The following SLC16A6 variants were observed in gnomAD, a reference collection of about 807,000 sequenced individuals.
SLC16A6 encodes solute carrier family 16 member 6.
Under a neutral mutation model 33.8 loss-of-function variants are expected in SLC16A6, and 15 were observed. The ratio of observed to expected loss-of-function variants is 0.44; its 90% CI spans 0.30 to 0.68. The LOEUF is 0.68. SLC16A6 is among the 30% of genes least tolerant of loss of function. SLC16A6 has a pLI of 0.10. For synonymous variants in SLC16A6, 219 were observed against 248.4 expected (o/e 0.88, Z 1.11); for missense variants, 451 against 661.5 (o/e 0.68, Z 3.49).
intron 1 of SLC16A6, among the ~76,000 whole-genome samples, chr17:68,278,603 G>A (rs1372688911): frequency 7.2e-6 from 1 of 139,594 alleles, no homozygotes; most frequent in Non-Finnish European, 1.5e-5. Flanking sequence ...GCCAGCTAAT[G>A]TTTTTTCTTT....
At position 68,269,144 on chromosome 17, in the gene SLC16A6, A is replaced by G. The variant is rs1349758271; in HGVS notation, c.1524T>C (p.Asp508=). Reference sequence around the variant, plus strand: ...GAACTCTGTGCTCATTTTTTGCAAGATCCATTTCCAGAAAGTCTTCAGGTA... The same window carrying G: ...GAACTCTGTGCTCATTTTTTGCAAGGTCCATTTCCAGAAAGTCTTCAGGTA... ...QDIPEDFLEM[D]LAKNEHRVHV... Residue 508 remains aspartate, a synonymous_variant, in exon 6 of 6, where the codon GAT becomes GAC. Coordinates refer to ENST00000580666, the MANE Select transcript of SLC16A6 (RefSeq NM_004694.5). The G allele has an allele frequency of 6.6e-7, 1 of 1,520,006 alleles. No individual in the cohort carries two copies. The highest frequency in any genetic ancestry group is 1.4e-5 in the African/African-American group (1 of 69,744). 94.2% of individuals were successfully genotyped at this position (1,520,006 alleles called of 1,614,324 possible).
At chr17:68,276,722 G>C (rs887303109) in intron 2 of SLC16A6, among the ~76,000 whole-genome samples, 19 of 152,186 alleles carry the variant, frequency 1.2e-4, no homozygotes, top group African/African-American at 4.6e-4. Flanking sequence ...CCAGAGTGCT[G>C]GGATTACAGG....
chr17:68,269,316 C>T lies in SLC16A6; in HGVS notation c.1352G>A (p.Ser451Asn). The T allele has an allele frequency of 8.0e-7, 1 of 1,247,620 alleles. No individual in the cohort carries two copies. Among genetic ancestry groups the T allele is most frequent in the South Asian group, 1.5e-5 (1 of 67,234 alleles). 77.3% of individuals were successfully genotyped at this position (1,247,620 alleles called of 1,614,324 possible). ...AGCTGCGCAGGAGTAGAAGGCCCTGCTGTAGATCTTACTTTGGTCCACCAA... is the reference window on the plus strand; with the variant it reads ...AGCTGCGCAGGAGTAGAAGGCCCTGTTGTAGATCTTACTTTGGTCCACCAA... ...GLLVDQSKIY[S>N]RAFYSCAAGM... The change falls in exon 6 of 6, where the codon AGC becomes AAC. Residue 451 changes from serine (S) to asparagine (N), a missense_variant. This residue lies in a region of SLC16A6 where 46 missense variants were observed against 150.8 expected (regional missense o/e 0.31). Transcript: ENST00000580666.
In SLC16A6 at chr17:68,271,567, GC is replaced by G; in HGVS notation, c.592del (p.Ala198HisfsTer16). Reference sequence around the variant, plus strand: ...TCTGATAAAGATGGGTCTGAGCAGTGCTCCGAAGATGACAATGTTTAACTGT... The same window carrying G: ...TCTGATAAAGATGGGTCTGAGCAGTGTCCGAAGATGACAATGTTTAACTGT... The part of the protein sequence containing the change: ...LLQLNIVIFG[A>X]LLRPIFIRGP... On this transcript the variant is annotated frameshift_variant, in exon 5 of 6. Coordinates refer to ENST00000580666, the MANE Select transcript of SLC16A6 (RefSeq NM_004694.5). LOFTEE classifies it high-confidence loss of function. The surrounding 1 kb of genome is among the most constrained non-coding windows in gnomAD (Gnocchi z 5.3). The G allele has an allele frequency of 6.2e-7, 1 of 1,614,216 alleles. No homozygotes were observed. Among genetic ancestry groups the G allele is most frequent in the Non-Finnish European group, 8.5e-7 (1 of 1,180,030 alleles).
intron 2 of SLC16A6, 128 bp downstream of exon 2, chr17:68,277,961 G>A: frequency 1.6e-6 from 1 of 645,066 alleles, no homozygotes; most frequent in Non-Finnish European, 2.7e-6. Flanking sequence ...TGTTAGTCAG[G>A]GCTAGGAAGG....
At chr17:68,284,932 C>T (rs1555753927) in intron 1 of SLC16A6, among the ~76,000 whole-genome samples, 1 of 152,096 alleles carries the variant, frequency 6.6e-6, no homozygotes, top group Non-Finnish European at 1.5e-5. Context: ...ACCCCATGTC[C>T]CCGGACCCTG....
chr17:68,275,046 T>C (rs1187747978), intron 2 of SLC16A6, among the ~76,000 whole-genome samples: 2 of 152,098 alleles, frequency 1.3e-5, no homozygotes, highest in African/African-American at 4.8e-5. Flanking sequence ...TCCCAAAGTG[T>C]TGGGATTACA....
chr17:68,268,973 C>G lies in SLC16A6; in HGVS notation c.*123G>C. The G allele has an allele frequency of 1.3e-6, 2 of 1,515,128 alleles. No homozygotes were observed. Among genetic ancestry groups the G allele is most frequent in the South Asian group, 2.6e-5 (2 of 76,096 alleles). The allele number at this position is 1,515,128 out of a possible 1,614,324, so 93.9% of individuals were successfully genotyped here. On this transcript the variant is annotated 3_prime_UTR_variant, in exon 6 of 6. Coordinates refer to ENST00000580666, the MANE Select transcript of SLC16A6 (RefSeq NM_004694.5). ...TGGTAGTGCTCTTCACATACACATT[C>G]CCTTTAAAATGTAGTTTTGAAAGTG...
chr17:68,278,492 C>G (rs2075594771), intron 1 of SLC16A6, among the ~76,000 whole-genome samples, 165 bp from the exon 2 acceptor site: 1 of 152,064 alleles, frequency 6.6e-6, no homozygotes, highest in Non-Finnish European at 1.5e-5. Flanking sequence ...CTCTGTCATC[C>G]AGGCTAGAGT....
intron 1 of SLC16A6, among the ~76,000 whole-genome samples, chr17:68,280,761 A>G (rs1286455057): frequency 6.6e-6 from 1 of 152,244 alleles, no homozygotes; most frequent in Non-Finnish European, 1.5e-5. Context: ...GGAAGAGCAC[A>G]CACAACAAAA....
intron 1 of SLC16A6, among the ~76,000 whole-genome samples, chr17:68,284,319 G>A (rs1228719987): frequency 3.3e-5 from 5 of 151,766 alleles, no homozygotes; most frequent in South Asian, 4.2e-4. Flanking sequence ...ACTTGAACCC[G>A]GGAGGCAGAG....
At position 68,269,673 on chromosome 17, in the gene SLC16A6, GT is replaced by G. The variant is rs782421181; in HGVS notation, c.1322-328del. On this transcript the variant is annotated intron_variant, in intron 5 of 5. Coordinates refer to ENST00000580666, the MANE Select transcript of SLC16A6 (RefSeq NM_004694.5). The stretch of plus-strand genomic sequence containing the variant: ...TTATTTTCACTTGAGTTCACTTTAG[GT>G]TTTTTTTTTTTTTTTTTAGACAGAG... Among the ~76,000 whole-genome samples, 359 of 77,880 alleles carry G rather than the reference GT, an allele frequency of 4.6e-3. 10 individuals are homozygous for G. The highest frequency in any genetic ancestry group is 8.3e-3 in the South Asian group (17 of 2,042). 51.1% of individuals were successfully genotyped at this position (77,880 alleles called of 152,430 possible). A position where few individuals can be genotyped will look rare whatever the true frequency, so the allele number is the denominator to read the frequency against.
At position 68,271,483 on chromosome 17, in the gene SLC16A6, A is replaced by G. The variant is rs782206782; in HGVS notation, c.677T>C (p.Leu226Pro). The G allele has an allele frequency of 1.2e-6, 2 of 1,614,100 alleles. No homozygotes were observed. The highest frequency in any genetic ancestry group is 3.3e-5 in the Admixed American group (2 of 60,002). Residue 226 changes from leucine to proline, a missense_variant, in exon 5 of 6, where the codon CTT (leucine) becomes CCT (proline). Leu to Pro is a moderately conservative substitution (Grantham distance 98). Coordinates refer to ENST00000580666, the MANE Select transcript of SLC16A6 (RefSeq NM_004694.5). This position sits in a 1 kb window ranked among gnomAD's most constrained non-coding sequence, Gnocchi z 5.3. ...TGAGGTTCGTGTTTTCTCATTTTCAAGCATATACTGCGCTTCTTTCCGATT... is the reference window on the plus strand; with the variant it reads ...TGAGGTTCGTGTTTTCTCATTTTCAGGCATATACTGCGCTTCTTTCCGATT... The part of the protein sequence containing the change: ...QENRKEAQYM[L>P]ENEKTRTSID...
intron 1 of SLC16A6, among the ~76,000 whole-genome samples, chr17:68,283,637 A>C (rs527292878): frequency 6.6e-6 from 1 of 152,076 alleles, no homozygotes; most frequent in African/African-American, 2.4e-5. Context: ...CCTGACCAAC[A>C]TGGAGAAACG....
chr17:68,286,975 TG>T (rs1555754514), intron 1 of SLC16A6, among the ~76,000 whole-genome samples: 1 of 152,216 alleles, frequency 6.6e-6, no homozygotes, highest in East Asian at 1.9e-4. Context: ...GTTTAGAAGA[TG>T]GTGGACTTTT....
intron 2 of SLC16A6, among the ~76,000 whole-genome samples, chr17:68,276,958 G>C (rs1265758587): frequency 6.6e-6 from 1 of 152,148 alleles, no homozygotes; most frequent in African/African-American, 2.4e-5. Context: ...ATTATGTAAT[G>C]ATGAATCAGT....
intron 1 of SLC16A6, among the ~76,000 whole-genome samples, chr17:68,283,961 C>T (rs1272881499): frequency 6.6e-6 from 1 of 150,608 alleles, no homozygotes; most frequent in East Asian, 2.0e-4. Context: ...AGTAGTAGCA[C>T]GAGCCTGTTA....
In SLC16A6 at chr17:68,282,735, A is replaced by C. The variant is rs555263462; in HGVS notation, c.-7-4408T>G. Among the ~76,000 whole-genome samples, 11 of 138,364 alleles carry C rather than the reference A, an allele frequency of 8.0e-5. No homozygotes were observed. In the South Asian group the frequency reaches 2.8e-3, roughly 35 times the overall value. 90.8% of individuals were successfully genotyped at this position (138,364 alleles called of 152,430 possible). On this transcript the variant is annotated intron_variant, in intron 1 of 5. Coordinates refer to ENST00000580666, the MANE Select transcript of SLC16A6 (RefSeq NM_004694.5). ...GAGATGGGTGGATCATGAGGTCAGG[A>C]GTTTGAGAGCAGTCTGGCCAACATA...
At chr17:68,285,138 A>G (rs187929412) in intron 1 of SLC16A6, among the ~76,000 whole-genome samples, 2 of 152,332 alleles carry the variant, frequency 1.3e-5, no homozygotes, top group Admixed American at 1.3e-4. Flanking sequence ...AAATGATTCA[A>G]CCACATCTTG....
Sources: gnomAD v4.1 joint callset for allele counts (sites outside exome capture counted in the v4.1 genomes callset) on GRCh38, gnomAD v4.1.1 for gene constraint, gnomAD v4.1.1 regional missense constraint, Gnocchi (gnomAD v3.1) non-coding constraint, MANE v1.5 for transcripts, NCBI Gene and HGNC (gene_info 2026-07-23, HGNC 2026-07-21) for gene names.